FRMD6: variants seen among roughly 807,000 people sequenced by gnomAD.
The protein encoded by FRMD6 is FERM domain containing 6.
In FRMD6, 37 loss-of-function variants were observed where a neutral mutation model predicts 73.2. That is an observed-to-expected ratio of 0.51 (90% confidence interval 0.39 to 0.66). The LOEUF (loss-of-function observed/expected upper bound fraction) is 0.66. FRMD6 is among the 30% of genes least tolerant of loss of function. The pLI, the probability that FRMD6 is intolerant of heterozygous loss-of-function variation, is 0.00. For synonymous variants in FRMD6, 273 were observed against 282.2 expected (o/e 0.97, Z 0.33); for missense variants, 714 against 780.5 (o/e 0.91, Z 1.02).
chr14:51,667,313 A>G (rs1327348661), intron 1 of FRMD6, among the ~76,000 whole-genome samples: 1 of 152,170 alleles, frequency 6.6e-6, no homozygotes, highest in Non-Finnish European at 1.5e-5. Flanking sequence ...TAGCACCTTT[A>G]TTTAATACTT....
the FRMD6 span, among the ~76,000 whole-genome samples, chr14:51,403,794 A>G: frequency 2.0e-5 from 3 of 152,224 alleles, no homozygotes; most frequent in East Asian, 1.9e-4. Flanking sequence ...ATAAAATTGT[A>G]TTGAATGAAT....
chr14:51,432,062 C>T, the FRMD6 span, among the ~76,000 whole-genome samples: 4 of 152,080 alleles, frequency 2.6e-5, no homozygotes, highest in Admixed American at 1.3e-4. Flanking sequence ...TAACACATAA[C>T]GACAAGCTCT....
chr14:51,606,128 T>C (rs187556002), intron 2 of FRMD6, among the ~76,000 whole-genome samples: 68 of 151,966 alleles, frequency 4.5e-4, no homozygotes, highest in Non-Finnish European at 6.6e-4. Context: ...TCTAGGGGGG[T>C]GGGTGTAGTC....
chr14:51,656,569 A>G (rs991376454), intron 1 of FRMD6, among the ~76,000 whole-genome samples: 2 of 151,988 alleles, frequency 1.3e-5, no homozygotes, highest in Non-Finnish European at 2.9e-5. Flanking sequence ...GCCTGCCACC[A>G]CGCCCATCTA....
chr14:51,446,714 G>A, the FRMD6 span, among the ~76,000 whole-genome samples: 3 of 152,188 alleles, frequency 2.0e-5, no homozygotes, highest in African/African-American at 7.2e-5. Context: ...TGCATCACTA[G>A]TGAAGTTTAC....
intron 1 of FRMD6, among the ~76,000 whole-genome samples, chr14:51,539,996 G>A (rs945881046): frequency 1.3e-5 from 2 of 152,252 alleles, no homozygotes; most frequent in African/African-American, 4.8e-5. Context: ...GGCACACTTT[G>A]TGTGCTGGCT....
chr14:51,553,744 C>A (rs759104648), intron 1 of FRMD6, among the ~76,000 whole-genome samples: 5 of 152,100 alleles, frequency 3.3e-5, no homozygotes, highest in South Asian at 4.1e-4. Flanking sequence ...CTTTTTCTAA[C>A]GCTGCTTTGG....
chr14:51,541,869 T>C (rs1886216012), intron 1 of FRMD6, among the ~76,000 whole-genome samples: 1 of 152,038 alleles, frequency 6.6e-6, no homozygotes. Context: ...TGGTTTCCCA[T>C]ATTAAGAGGT....
chr14:51,438,534 C>T, the FRMD6 span, among the ~76,000 whole-genome samples: 157 of 152,104 alleles, frequency 1.0e-3, 1 homozygote, highest in Non-Finnish European at 4.7e-4. Context: ...ACTTTGTCAC[C>T]CTAACTTCAT....
intron 2 of FRMD6, among the ~76,000 whole-genome samples, chr14:51,603,449 T>A (rs1566497090): frequency 6.6e-6 from 1 of 152,192 alleles, no homozygotes; most frequent in Non-Finnish European, 1.5e-5. Flanking sequence ...TTTTTTTTCT[T>A]CTTTTTGCTT....
intron 1 of FRMD6, among the ~76,000 whole-genome samples, chr14:51,569,507 C>CTTTTTTTTTTTTTTTTTT (rs34661155): frequency 4.1e-5 from 5 of 122,800 alleles, no homozygotes; most frequent in African/African-American, 6.0e-5. Flanking sequence ...TTCTTTCTTT[C>CTTTTTTTTTTTTTTTTTT]TTTTTTTTTT....
chr14:51,646,029 T>G (rs1892050138), intron 2 of FRMD6, among the ~76,000 whole-genome samples: 1 of 151,734 alleles, frequency 6.6e-6, no homozygotes, highest in South Asian at 2.1e-4. Context: ...CACAAAACAC[T>G]GAAGAGAGGC....
chr14:51,606,588 G>C (rs916385146), intron 2 of FRMD6, among the ~76,000 whole-genome samples: 10 of 152,144 alleles, frequency 6.6e-5, no homozygotes, highest in African/African-American at 2.4e-4. Context: ...ATAGCTCTAG[G>C]ATTGAGTGTC....
chr14:51,415,876 T>G, the FRMD6 span, among the ~76,000 whole-genome samples: 1 of 152,234 alleles, frequency 6.6e-6, no homozygotes, highest in Non-Finnish European at 1.5e-5. Flanking sequence ...CCTGGTTTAG[T>G]CTTGGGAGAG....
At chr14:51,420,898 C>T in the FRMD6 span, among the ~76,000 whole-genome samples, 115 of 152,218 alleles carry the variant, frequency 7.6e-4, no homozygotes, top group South Asian at 2.3e-3. Context: ...CTCAGCCTCC[C>T]GATTAGCTGG....
chr14:51,512,033 A>G lies in FRMD6; in HGVS notation c.-210+22613A>G, dbSNP rs1487881979. Among the ~76,000 whole-genome samples, 3 of 152,206 alleles carry G rather than the reference A, an allele frequency of 2.0e-5. 1 individual carries two copies. Among genetic ancestry groups the G allele is most frequent in the Admixed American group, 2.0e-4 (3 of 15,278 alleles). On this transcript the variant is annotated intron_variant, in intron 1 of 14. Transcript: ENST00000356218. ...CATGATGTATGTATGCATAGGAATC[A>G]TATGATTTTTTTCAATCACTTTAGA...
At position 51,725,826 on chromosome 14, in the gene FRMD6, A is replaced by G. The variant is rs1566602642; in HGVS notation, c.1540A>G (p.Thr514Ala). The G allele has an allele frequency of 1.2e-6, 2 of 1,613,998 alleles. No homozygotes were observed. The highest frequency in any genetic ancestry group is 8.5e-7 in the Non-Finnish European group (1 of 1,179,892). The stretch of plus-strand genomic sequence containing the variant: ...GTCTTCCACCTCGAGCTCTTCAGAA[A>G]CAGTTGTTAAGCTTCGTGGCCAGAG... The part of the protein sequence containing the change: ...IGSSTSSSSE[T>A]VVKLRGQSTD... The change falls in exon 13 of 14, where the codon ACA becomes GCA. Residue 514 changes from threonine (T) to alanine (A), a missense_variant. By Grantham distance (58) the Thr-to-Ala change is moderately conservative (BLOSUM62 0). Coordinates refer to ENST00000344768, the MANE Select transcript of FRMD6 (RefSeq NM_001267046.2).
At chr14:51,721,641 GGGAGGGAA>G (rs1423741792) in intron 11 of FRMD6, among the ~76,000 whole-genome samples, 1 of 96,070 alleles carries the variant, frequency 1.0e-5, no homozygotes, top group Non-Finnish European at 2.3e-5. Flanking sequence ...GAGGGAGGGA[GGGAGGGAA>G]GGAAGGAAGG....
At chr14:51,482,740 G>A in the FRMD6 span, among the ~76,000 whole-genome samples, 4 of 151,436 alleles carry the variant, frequency 2.6e-5, no homozygotes, top group African/African-American at 7.3e-5. Context: ...TGGCACTGTC[G>A]CCTGGACTGG....
Sources: gnomAD v4.1 joint callset for allele counts (sites outside exome capture counted in the v4.1 genomes callset) on GRCh38, gnomAD v4.1.1 for gene constraint, MANE v1.5 for transcripts, NCBI Gene and HGNC (gene_info 2026-07-23, HGNC 2026-07-21) for gene names.